Variants in DCC observed in about 807,000 individuals in gnomAD.
DCC encodes DCC netrin 1 receptor.
Under a neutral mutation model 172.5 loss-of-function variants are expected in DCC, and 58 were observed. The ratio of observed to expected loss-of-function variants is 0.34; its 90% CI spans 0.27 to 0.42. DCC has a LOEUF of 0.42. Ranked by LOEUF, DCC falls within the 10% of genes least tolerant of loss-of-function variation. The pLI, the probability that DCC is intolerant of heterozygous loss-of-function variation, is 1.00. For synonymous variants in DCC, 709 were observed against 644.5 expected (o/e 1.10, Z -1.52); for missense variants, 1,740 against 1,791.0 (o/e 0.97, Z 0.51).
intron 1 of DCC, among the ~76,000 whole-genome samples, chr18:52,422,233 T>C (rs1987273362): frequency 6.6e-6 from 1 of 152,216 alleles, no homozygotes; most frequent in Non-Finnish European, 1.5e-5. Flanking sequence ...TAAGGCCTGC[T>C]AAGTGATTGA....
chr18:52,662,370 A>G (rs2035375461), intron 1 of DCC, among the ~76,000 whole-genome samples: 1 of 152,150 alleles, frequency 6.6e-6, no homozygotes, highest in Admixed American at 6.5e-5. Context: ...AAGGATATGA[A>G]TTTCTGGAAT....
chr18:53,434,757 G>C (rs1348345938), intron 21 of DCC, among the ~76,000 whole-genome samples: 1 of 152,130 alleles, frequency 6.6e-6, no homozygotes, highest in African/African-American at 2.4e-5. Flanking sequence ...CTTGTCAGTT[G>C]GGTGACAGTA....
chr18:53,169,902 T>C (rs1221091580), intron 8 of DCC, among the ~76,000 whole-genome samples: 2 of 152,168 alleles, frequency 1.3e-5, no homozygotes, highest in African/African-American at 2.4e-5. Flanking sequence ...AAATTTACTT[T>C]AGGTGGCTAG....
chr18:53,033,386 G>A (rs1410684335), intron 5 of DCC, among the ~76,000 whole-genome samples: 1 of 152,124 alleles, frequency 6.6e-6, no homozygotes, highest in Non-Finnish European at 1.5e-5. Context: ...TGTGAGATGG[G>A]TGACTCTTTC....
rs56309201 is a variant in DCC, at chr18:52,923,594, T to C, written c.698-113T>C. 3.4e-5 allele frequency: 28 copies of C among 830,014 alleles called. No individual in the cohort carries two copies. The East Asian group carries it at 5.4e-4, about 16-fold the overall frequency. 51.4% of individuals were successfully genotyped at this position (830,014 alleles called of 1,614,324 possible). A position where few individuals can be genotyped will look rare whatever the true frequency, so the allele number is the denominator to read the frequency against. ...CTATTTTAGGAGTTTACAAATTTCA[T>C]TGGCATCTTTTCATTTTTCTTTCCA... On this transcript the variant is annotated intron_variant, in intron 3 of 28. Coordinates refer to ENST00000442544, the MANE Select transcript of DCC (RefSeq NM_005215.4).
intron 2 of DCC, among the ~76,000 whole-genome samples, chr18:52,779,252 C>T (rs1374180096): frequency 6.6e-6 from 1 of 152,024 alleles, no homozygotes; most frequent in Non-Finnish European, 1.5e-5. Flanking sequence ...CTTGCTGCAC[C>T]CATCATCCTG....
At chr18:52,875,632 T>C (rs2039392477) in intron 2 of DCC, among the ~76,000 whole-genome samples, 1 of 152,234 alleles carries the variant, frequency 6.6e-6, no homozygotes. Context: ...GCTGATTTAT[T>C]TGCAATTAGT....
chr18:53,524,812 G>C (rs1340726557), intron 27 of DCC, among the ~76,000 whole-genome samples: 4 of 152,038 alleles, frequency 2.6e-5, no homozygotes, highest in Admixed American at 2.0e-4. Context: ...GAGTTAGACA[G>C]ATGTTGGTGC....
chr18:52,977,910 AAAAG>A (rs2041148790), intron 5 of DCC, among the ~76,000 whole-genome samples: 1 of 139,082 alleles, frequency 7.2e-6, no homozygotes, highest in African/African-American at 2.8e-5. Flanking sequence ...AGAAAAAAGA[AAAAG>A]AAAAAAAAAG....
chr18:53,472,491 G>A (rs904076273), intron 25 of DCC, among the ~76,000 whole-genome samples: 6 of 152,072 alleles, frequency 3.9e-5, no homozygotes, highest in East Asian at 1.9e-4. Flanking sequence ...AGTTCTATCT[G>A]TGCCAATCAT....
chr18:53,252,384 T>G (rs2056448429), intron 12 of DCC, among the ~76,000 whole-genome samples: 1 of 151,942 alleles, frequency 6.6e-6, no homozygotes, highest in Non-Finnish European at 1.5e-5. Context: ...TTAATCACTC[T>G]GGGGGTTTAG....
intron 25 of DCC, among the ~76,000 whole-genome samples, chr18:53,480,674 G>A (rs1479867193): frequency 1.3e-5 from 2 of 151,936 alleles, no homozygotes; most frequent in Non-Finnish European, 2.9e-5. Context: ...CCTGTACTCT[G>A]TTGCACTTCT....
chr18:52,649,513 A>G (rs2035086456), intron 1 of DCC, among the ~76,000 whole-genome samples: 1 of 151,860 alleles, frequency 6.6e-6, no homozygotes, highest in Admixed American at 6.6e-5. Flanking sequence ...CTTTTAGTGT[A>G]TCCATCACCC....
At chr18:52,898,156 T>C (rs1187461151) in intron 2 of DCC, among the ~76,000 whole-genome samples, 3 of 152,214 alleles carry the variant, frequency 2.0e-5, no homozygotes, top group Non-Finnish European at 4.4e-5. Flanking sequence ...ATTACCACAC[T>C]GCTGAATATT....
chr18:53,460,512 A>C (rs1045310968), intron 24 of DCC, among the ~76,000 whole-genome samples: 1 of 139,012 alleles, frequency 7.2e-6, no homozygotes, highest in Non-Finnish European at 1.5e-5. Flanking sequence ...ATTCCCACCT[A>C]TAAGTGAGAA....
chr18:52,949,651 T>A (rs2040603915), intron 5 of DCC, among the ~76,000 whole-genome samples: 1 of 152,230 alleles, frequency 6.6e-6, no homozygotes. Flanking sequence ...AAGAGATGAC[T>A]GCTTTCCTCT....
At chr18:52,631,216 G>A (rs776499409) in intron 1 of DCC, among the ~76,000 whole-genome samples, 1 of 152,106 alleles carries the variant, frequency 6.6e-6, no homozygotes, top group Non-Finnish European at 1.5e-5. Flanking sequence ...CTAATGTGTA[G>A]TTGTTATTTA....
chr18:53,420,528 G>C (rs1395930967), intron 21 of DCC, among the ~76,000 whole-genome samples: 1 of 152,096 alleles, frequency 6.6e-6, no homozygotes, highest in South Asian at 2.1e-4. Flanking sequence ...CTGGAAGCTG[G>C]AAGTCCCAGA....
intron 26 of DCC, among the ~76,000 whole-genome samples, chr18:53,491,704 A>G (rs2045961704): frequency 1.3e-5 from 2 of 151,966 alleles, no homozygotes; most frequent in South Asian, 2.1e-4. Context: ...TATGTGCCAC[A>G]TTTTCTTTAT....
Sources: gnomAD v4.1 joint callset for allele counts (sites outside exome capture counted in the v4.1 genomes callset) on GRCh38, gnomAD v4.1.1 for gene constraint, MANE v1.5 for transcripts, NCBI Gene and HGNC (gene_info 2026-07-23, HGNC 2026-07-21) for gene names.